The following FRAS1 variants were observed in gnomAD, a reference collection of about 807,000 sequenced individuals.
FRAS1 encodes the protein extracellular matrix organizing protein FRAS1.
A neutral mutation model predicts 435.2 loss-of-function variants in FRAS1; 290 were observed. The ratio of observed to expected loss-of-function variants is 0.67; its 90% CI spans 0.61 to 0.73. The LOEUF (loss-of-function observed/expected upper bound fraction) is 0.73. Among genes scored for constraint, FRAS1 ranks in the 30% least tolerant of loss-of-function variants. The pLI is 0.00. For missense variants in FRAS1, 4,860 were observed against 5,001.5 expected (o/e 0.97, Z 0.85); for synonymous variants, 1,800 against 1,851.0 (o/e 0.97, Z 0.71).
At position 78,242,818 on chromosome 4, in the gene FRAS1, A is replaced by G. The variant is rs112715705; in HGVS notation, c.217-2415A>G. ...TGTTTTGGCTATGGATTGACTAGAA[A>G]TAACCTAGTGTCAATGGCAATGCTG... On this transcript the variant is annotated intron_variant, in intron 3 of 73. Transcript: ENST00000512123. Among the ~76,000 whole-genome samples, 383 of 152,338 alleles carry G rather than the reference A, an allele frequency of 2.5e-3. 2 individuals are homozygous for G. The highest frequency in any genetic ancestry group is 8.8e-3 in the African/African-American group (365 of 41,578).
At chr4:78,337,021 T>C (rs180729791) in intron 19 of FRAS1, among the ~76,000 whole-genome samples, 106 of 152,334 alleles carry the variant, frequency 7.0e-4, no homozygotes, top group African/African-American at 2.3e-3. Flanking sequence ...TTGGTGGTTT[T>C]TTTGGAGAAG....
chr4:78,472,387 C>G lies in FRAS1; in HGVS notation c.7522+57C>G, dbSNP rs549589305. ...GAAATCTATGCTAATGTCACACTGC[C>G]TATCTCCCAGATTCTTCTCACAGCC... On this transcript the variant is annotated intron_variant, in intron 52 of 73. Coordinates refer to ENST00000512123, the MANE Select transcript of FRAS1 (RefSeq NM_025074.7). 1.9e-5 allele frequency: 27 copies of G among 1,448,620 alleles called. No individual in the cohort carries two copies. The Admixed American group carries it at 2.8e-4, about 15-fold the overall frequency. 89.7% of individuals were successfully genotyped at this position (1,448,620 alleles called of 1,614,324 possible). A position where few individuals can be genotyped will look rare whatever the true frequency, so the allele number is the denominator to read the frequency against.
intron 47 of FRAS1, among the ~76,000 whole-genome samples, chr4:78,455,022 C>A (rs1219028536): frequency 6.6e-6 from 1 of 152,274 alleles, no homozygotes; most frequent in Non-Finnish European, 1.5e-5. Flanking sequence ...CTAATTCACA[C>A]CTTTCCCAGT....
At chr4:78,373,559 C>T (rs993715904) in intron 24 of FRAS1, among the ~76,000 whole-genome samples, 8 of 151,194 alleles carry the variant, frequency 5.3e-5, no homozygotes, top group African/African-American at 1.5e-4. Flanking sequence ...AGACAGATCA[C>T]CTGAGGTCGT....
chr4:78,442,318 G>A (rs1038095551), intron 41 of FRAS1, among the ~76,000 whole-genome samples: 2 of 152,258 alleles, frequency 1.3e-5, no homozygotes, highest in Admixed American at 6.5e-5. Flanking sequence ...GAGACAGATA[G>A]GAAGACTGAC....
At chr4:78,334,917 C>A (rs1440598356) in intron 19 of FRAS1, among the ~76,000 whole-genome samples, 1 of 151,874 alleles carries the variant, frequency 6.6e-6, no homozygotes, top group Non-Finnish European at 1.5e-5. Flanking sequence ...CACCACCATG[C>A]CCAAGTAATT....
At chr4:78,331,801 A>G (rs1483008746) in intron 18 of FRAS1, among the ~76,000 whole-genome samples, 1 of 152,240 alleles carries the variant, frequency 6.6e-6, no homozygotes, top group African/African-American at 2.4e-5. Flanking sequence ...AGGCTCAATG[A>G]CAAATGAATG....
chr4:78,324,457 A>T (rs769496557), intron 18 of FRAS1, among the ~76,000 whole-genome samples: 4 of 151,906 alleles, frequency 2.6e-5, no homozygotes, highest in South Asian at 4.2e-4. Flanking sequence ...TTGTTTATAT[A>T]ACACACACAC....
In FRAS1 at chr4:78,484,850, A is replaced by G. The variant is rs116054692; in HGVS notation, c.8752+2315A>G. On this transcript the variant is annotated intron_variant, in intron 58 of 73. Transcript: ENST00000512123. ...ACCAGCATGCATTCTAGGACTTTTGACCCCAAGTTCATCCTCCTTGCATTA... is the reference window on the plus strand; with the variant it reads ...ACCAGCATGCATTCTAGGACTTTTGGCCCCAAGTTCATCCTCCTTGCATTA... Among the ~76,000 whole-genome samples the G allele has an allele frequency of 4.8e-3, 730 of 152,268 alleles. 2 individuals carry two copies. The highest frequency in any genetic ancestry group is 8.4e-3 in the Non-Finnish European group (569 of 68,014).
chr4:78,228,120 G>T (rs1384437280), intron 2 of FRAS1, among the ~76,000 whole-genome samples: 1 of 152,168 alleles, frequency 6.6e-6, no homozygotes, highest in Non-Finnish European at 1.5e-5. Flanking sequence ...ATTTTAATAT[G>T]AGAGATAATG....
chr4:78,196,402 TA>T (rs1031542088), intron 2 of FRAS1, among the ~76,000 whole-genome samples: 1 of 152,222 alleles, frequency 6.6e-6, no homozygotes, highest in African/African-American at 2.4e-5. Context: ...AATATTGGCT[TA>T]AAAATTTTAC....
chr4:78,391,499 AG>A (rs1203083231), intron 29 of FRAS1, among the ~76,000 whole-genome samples: 1 of 152,224 alleles, frequency 6.6e-6, no homozygotes, highest in African/African-American at 2.4e-5. Context: ...AAATGTGGAC[AG>A]GGGAAAATCA....
intron 6 of FRAS1, among the ~76,000 whole-genome samples, chr4:78,264,413 T>C (rs555314974): frequency 6.6e-6 from 1 of 152,188 alleles, no homozygotes; most frequent in East Asian, 1.9e-4. Context: ...TTTTTTTTCA[T>C]GTGAAAGACC....
At chr4:78,096,550 T>A (rs1341627226) in intron 2 of FRAS1, among the ~76,000 whole-genome samples, 1 of 152,192 alleles carries the variant, frequency 6.6e-6, no homozygotes, top group African/African-American at 2.4e-5. Flanking sequence ...ATACATCCTA[T>A]GAAATCTAGG....
At position 78,143,225 on chromosome 4, in the gene FRAS1, A is replaced by G. The variant is rs768924116; in HGVS notation, c.108+77209A>G. The stretch of plus-strand genomic sequence containing the variant: ...CAATATAGCTATGATATCTTAAGGC[A>G]AGAAGAATTATTAAGAGTGGTATTT... On this transcript the variant is annotated intron_variant, in intron 2 of 73. Transcript: ENST00000512123. Among the ~76,000 whole-genome samples, 21 of 152,310 alleles carry G rather than the reference A, an allele frequency of 1.4e-4. No homozygotes were observed. The South Asian group carries it at 1.9e-3, about 14-fold the overall frequency.
chr4:78,214,445 T>C (rs767145283), intron 2 of FRAS1, among the ~76,000 whole-genome samples: 1 of 152,260 alleles, frequency 6.6e-6, no homozygotes. Context: ...GTAACCTTCA[T>C]CTGGCTTCAA....
At chr4:78,249,043 C>CTTATATATATATA (rs1352031337) in intron 4 of FRAS1, among the ~76,000 whole-genome samples, 1 of 19,860 alleles carries the variant, frequency 5.0e-5, no homozygotes, top group Non-Finnish European at 1.3e-4. Flanking sequence ...GTATGAAGAA[C>CTTATATATATATA]TACTGATATA....
intron 70 of FRAS1, among the ~76,000 whole-genome samples, chr4:78,529,802 G>C (rs1721656299): frequency 6.6e-6 from 1 of 152,128 alleles, no homozygotes; most frequent in Admixed American, 6.5e-5. Context: ...GGAGCAGAAA[G>C]GCACAAGATT....
chr4:78,150,365 T>C (rs1720595100), intron 2 of FRAS1, among the ~76,000 whole-genome samples: 1 of 152,228 alleles, frequency 6.6e-6, no homozygotes, highest in African/African-American at 2.4e-5. Flanking sequence ...TGGAGCTTTT[T>C]GGTCCGCTTT....
Sources: allele counts gnomAD v4.1 joint callset (sites outside exome capture counted in the v4.1 genomes callset), GRCh38; gene constraint gnomAD v4.1.1; transcripts MANE v1.5; gene names NCBI Gene and HGNC (gene_info 2026-07-23, HGNC 2026-07-21).